DIS3L2: variants seen among roughly 807,000 people sequenced by gnomAD.
The protein encoded by DIS3L2 is DIS3-like exonuclease 2.
In DIS3L2, 34 loss-of-function variants were observed where a neutral mutation model predicts 97.5. The observed-to-expected ratio is 0.35, with a 90% CI of 0.27 to 0.46. The LOEUF (loss-of-function observed/expected upper bound fraction) is 0.46, where lower values mean the gene tolerates loss of function less well. DIS3L2 is among the 20% of genes least tolerant of loss of function. The pLI is 1.00. For synonymous variants in DIS3L2, 435 were observed against 445.2 expected, an observed-to-expected ratio of 0.98 and a Z score of 0.29; for missense variants, 1,038 against 1,146.0, an observed-to-expected ratio of 0.91 and a Z score of 1.36.
chr2:232,265,048 T>C (rs1693818413), intron 13 of DIS3L2, among the ~76,000 whole-genome samples: 1 of 152,216 alleles, frequency 6.6e-6, no homozygotes, highest in Admixed American at 6.5e-5. Flanking sequence ...AATACCTACT[T>C]TCCTTCCTTT....
chr2:232,210,235 G>A, intron 9 of DIS3L2, 91 bp from the exon 10 acceptor site: 4 of 1,001,692 alleles, frequency 4.0e-6, no homozygotes, highest in Non-Finnish European at 6.3e-6. Context: ...GAGCACATAT[G>A]CAAAATTCAC....
intron 13 of DIS3L2, among the ~76,000 whole-genome samples, chr2:232,273,831 T>TC (rs34936134): frequency 0.41 from 62,651 of 151,994 alleles, 16,874 homozygotes; most frequent in African/African-American, 0.76. Context: ...GCACCAAACT[T>TC]CAGAAGGTTC....
At position 232,327,337 on chromosome 2, in the gene DIS3L2, C is replaced by G. The variant is rs143139449; in HGVS notation, c.1740-2476C>G. ...GTCGGGCCTAAGGCTACACTTGTCC[C>G]TCTTCCGGCAAGCCTGCAGCTGGGC... On this transcript the variant is annotated intron_variant, in intron 14 of 20. Coordinates refer to ENST00000325385, the MANE Select transcript of DIS3L2 (RefSeq NM_152383.5). Among the ~76,000 whole-genome samples, 49 of 152,368 alleles carry G rather than the reference C, an allele frequency of 3.2e-4. No homozygotes were observed. The East Asian group carries it at 8.9e-3, about 28-fold the overall frequency.
intron 1 of DIS3L2, among the ~76,000 whole-genome samples, chr2:232,008,382 A>AT (rs891100326): frequency 3.3e-5 from 5 of 151,378 alleles, no homozygotes; most frequent in Middle Eastern, 3.4e-3. Context: ...GAATTTGTCC[A>AT]TTTTTTTTCT....
At chr2:232,324,744 A>C (rs1295735590) in intron 14 of DIS3L2, among the ~76,000 whole-genome samples, 2 of 152,240 alleles carry the variant, frequency 1.3e-5, no homozygotes, top group Admixed American at 6.5e-5. Context: ...GGCCAGTCAC[A>C]TCATAAGATG....
intron 13 of DIS3L2, among the ~76,000 whole-genome samples, chr2:232,284,363 C>T (rs773267370): frequency 1.4e-4 from 21 of 152,192 alleles, no homozygotes; most frequent in Non-Finnish European, 2.9e-4. Flanking sequence ...TCCAGCTTCC[C>T]AGCTGTAAAG....
chr2:232,118,444 G>A (rs572405361), intron 6 of DIS3L2, among the ~76,000 whole-genome samples: 4 of 152,064 alleles, frequency 2.6e-5, no homozygotes, highest in South Asian at 4.1e-4. Context: ...TTATAACAAC[G>A]TATTTTTTCC....
At chr2:232,296,657 C>A (rs1694733334) in intron 13 of DIS3L2, among the ~76,000 whole-genome samples, 1 of 152,208 alleles carries the variant, frequency 6.6e-6, no homozygotes, top group African/African-American at 2.4e-5. Context: ...TAAGACTTGC[C>A]TTTGCTTCTC....
At chr2:232,162,447 A>G (rs1011676812) in intron 8 of DIS3L2, among the ~76,000 whole-genome samples, 1 of 152,226 alleles carries the variant, frequency 6.6e-6, no homozygotes, top group Non-Finnish European at 1.5e-5. Flanking sequence ...TTATGAGGCA[A>G]CCACCTCCCC....
At chr2:232,021,337 A>G (rs76175672) in intron 3 of DIS3L2, among the ~76,000 whole-genome samples, 453 of 152,262 alleles carry the variant, frequency 3.0e-3, no homozygotes, top group African/African-American at 1.0e-2. Context: ...AATGGTGACA[A>G]TGTGGTCACA....
chr2:232,125,653 A>G (rs1698044315), intron 6 of DIS3L2, among the ~76,000 whole-genome samples: 1 of 152,200 alleles, frequency 6.6e-6, no homozygotes, highest in South Asian at 2.1e-4. Context: ...TCTATATCAG[A>G]GTGAAATTTG....
At chr2:232,274,099 C>T (rs1036166452) in intron 13 of DIS3L2, among the ~76,000 whole-genome samples, 4 of 152,206 alleles carry the variant, frequency 2.6e-5, no homozygotes, top group African/African-American at 7.2e-5. Context: ...CTAAGTGCCT[C>T]GCATCTCCAG....
At chr2:231,999,433 C>T (rs773813847) in intron 1 of DIS3L2, among the ~76,000 whole-genome samples, 6 of 152,094 alleles carry the variant, frequency 3.9e-5, no homozygotes, top group African/African-American at 7.2e-5. Context: ...CATTTGTGTG[C>T]GTATATAGAC....
intron 5 of DIS3L2, among the ~76,000 whole-genome samples, chr2:232,066,833 T>G (rs1214970665): frequency 6.6e-6 from 1 of 152,054 alleles, no homozygotes; most frequent in African/African-American, 2.4e-5. Flanking sequence ...TTTTAAATTT[T>G]TCTGTTTCTT....
At position 232,334,431 on chromosome 2, in the gene DIS3L2, G is replaced by T. The variant is rs768385941; in HGVS notation, c.2221G>T (p.Asp741Tyr). 4 of 1,613,770 alleles carry T rather than the reference G, an allele frequency of 2.5e-6. No homozygotes were observed. In the South Asian group the frequency reaches 3.3e-5, roughly 13 times the overall value. The change falls in exon 18 of 21, where the codon GAC (aspartate) becomes TAC (tyrosine). Residue 741 changes from aspartate to tyrosine, a missense_variant. Transcript: ENST00000325385. Reference sequence around the variant, plus strand: ...GCAGAAACAGGCGGACCACTGTAACGACCGCCGCATGGCGTCCAAGCGCGT... The same window carrying T: ...GCAGAAACAGGCGGACCACTGTAACTACCGCCGCATGGCGTCCAAGCGCGT... ...TLQKQADHCN[D>Y]RRMASKRVQE... is the part of the protein sequence containing the mutation.
chr2:231,991,627 C>G (rs560757262), intron 1 of DIS3L2, among the ~76,000 whole-genome samples: 29 of 152,300 alleles, frequency 1.9e-4, no homozygotes, highest in South Asian at 4.1e-4. Context: ...CATTATTTTC[C>G]ATCAGGGTAT....
Position 232,263,412 on chromosome 2 carries a change from T to C in DIS3L2, c.1631T>C (p.Phe544Ser), listed in dbSNP as rs1693771927. ...GCCAAGCAGTTACGCCAGCAGCGCT[T>C]TGTGGACGGCGCACTTCGTTTGGAT... ...GIAKQLRQQR[F>S]VDGALRLDQL... Residue 544 changes from phenylalanine to serine, a missense_variant, in exon 13 of 21, where the codon TTT becomes TCT. By Grantham distance (155) the Phe-to-Ser change is radical (BLOSUM62 -2). This residue lies in a region of DIS3L2 where 813 missense variants were observed against 880.1 expected (regional missense o/e 0.92). Coordinates refer to ENST00000325385, the MANE Select transcript of DIS3L2 (RefSeq NM_152383.5). 1.2e-6 allele frequency: 2 copies of C among 1,614,046 alleles called. No homozygotes were observed. Among genetic ancestry groups the C allele is most frequent in the East Asian group, 2.2e-5 (1 of 44,874 alleles).
chr2:232,262,562 C>T (rs1043990870), intron 12 of DIS3L2, among the ~76,000 whole-genome samples: 3 of 152,134 alleles, frequency 2.0e-5, no homozygotes, highest in African/African-American at 7.2e-5. Flanking sequence ...CTCCTGACAT[C>T]CAGTGGATAG....
At chr2:232,330,603 G>T in intron 15 of DIS3L2, 87 bp from the exon 16 acceptor site, 2 of 1,392,090 alleles carry the variant, frequency 1.4e-6, no homozygotes, top group Non-Finnish European at 2.0e-6. Flanking sequence ...CCAGAGCCGG[G>T]CATGAGGTGC....
Sources: gnomAD v4.1 joint callset for allele counts (sites outside exome capture counted in the v4.1 genomes callset) on GRCh38, gnomAD v4.1.1 for gene constraint, gnomAD v4.1.1 regional missense constraint, MANE v1.5 for transcripts, NCBI Gene and HGNC (gene_info 2026-07-23, HGNC 2026-07-21) for gene names.